CNTNAP2: variants seen among roughly 807,000 people sequenced by gnomAD.
CNTNAP2 encodes the protein contactin associated protein 2.
In CNTNAP2, 98 loss-of-function variants were observed where a neutral mutation model predicts 155.2. The observed-to-expected ratio is 0.63, with a 90% confidence interval of 0.54 to 0.75. The LOEUF is 0.75. CNTNAP2 is among the 30% of genes least tolerant of loss of function. The probability of loss-of-function intolerance (pLI) is 0.00; values close to 1 mark genes in which losing one functional copy is unlikely to be tolerated. For missense variants in CNTNAP2, 1,727 were observed against 1,688.1 expected (o/e 1.02, Z -0.40); for synonymous variants, 651 against 631.2 (o/e 1.03, Z -0.47).
At chr7:146,950,323 A>G (rs1259312747) in intron 3 of CNTNAP2, among the ~76,000 whole-genome samples, 1 of 151,992 alleles carries the variant, frequency 6.6e-6, no homozygotes, top group Non-Finnish European at 1.5e-5. Context: ...TTTTTATAAT[A>G]CTTTAAGTTC....
Position 147,517,724 on chromosome 7 carries a change from A to C in CNTNAP2, c.1777+31683A>C, listed in dbSNP as rs1799152378. Among the ~76,000 whole-genome samples the C allele has an allele frequency of 2.6e-5, 4 of 152,350 alleles. No homozygotes were observed. In the South Asian group the frequency reaches 8.3e-4, roughly 32 times the overall value. On this transcript the variant is annotated intron_variant, in intron 11 of 23. Transcript: ENST00000361727. Reference sequence around the variant, plus strand: ...TGGCATTGGTTGTTGTTTTTGTTCAAATGTTTAATCCATGTCCCAGAAACT... The same window carrying C: ...TGGCATTGGTTGTTGTTTTTGTTCACATGTTTAATCCATGTCCCAGAAACT...
At position 147,504,288 on chromosome 7, in the gene CNTNAP2, G is replaced by A. The variant is rs1798867952; in HGVS notation, c.1777+18247G>A. ...TTCAGGGTACCTCTGAGAAAAGAGG[G>A]GGCCCTCACTGACCTAGAGGCATGT... On this transcript the variant is annotated intron_variant, in intron 11 of 23. Transcript: ENST00000361727. Among the ~76,000 whole-genome samples the A allele has an allele frequency of 3.3e-5, 5 of 152,108 alleles. No homozygotes were observed. In the South Asian group the frequency reaches 1.0e-3, roughly 32 times the overall value.
At chr7:148,052,769 C>G (rs1272461718) in intron 15 of CNTNAP2, among the ~76,000 whole-genome samples, 2 of 152,148 alleles carry the variant, frequency 1.3e-5, no homozygotes, top group Non-Finnish European at 2.9e-5. Context: ...TCTCCTAGGC[C>G]AGGCACAGTG....
At chr7:146,975,290 C>T (rs561506779) in intron 3 of CNTNAP2, among the ~76,000 whole-genome samples, 288 of 152,152 alleles carry the variant, frequency 1.9e-3, no homozygotes, top group Non-Finnish European at 2.0e-3. Flanking sequence ...CATGGCAAAA[C>T]CCCGTCTCTA....
chr7:146,161,095 C>CA (rs1562972085), intron 1 of CNTNAP2, among the ~76,000 whole-genome samples: 4 of 152,114 alleles, frequency 2.6e-5, no homozygotes, highest in East Asian at 1.9e-4. Context: ...GAACTAAAGA[C>CA]AAAAAACACG....
chr7:146,541,815 C>T (rs1488368853), intron 1 of CNTNAP2, among the ~76,000 whole-genome samples: 1 of 151,910 alleles, frequency 6.6e-6, no homozygotes, highest in African/African-American at 2.4e-5. Flanking sequence ...TTGCAAGTAA[C>T]CTTTTCACCA....
At chr7:146,204,881 A>G (rs533299979) in intron 1 of CNTNAP2, among the ~76,000 whole-genome samples, 5 of 151,998 alleles carry the variant, frequency 3.3e-5, no homozygotes, top group Non-Finnish European at 4.4e-5. Flanking sequence ...CATATTTTCA[A>G]ATTGAAGCCA....
At chr7:148,266,888 G>A (rs994893359) in intron 20 of CNTNAP2, 145 bp from the exon 21 acceptor site, 24 of 761,502 alleles carry the variant, frequency 3.2e-5, no homozygotes, top group African/African-American at 8.6e-5. Context: ...CCATTTTCTC[G>A]GGGTGGTGTT....
At chr7:147,352,653 T>A (rs1360964070) in intron 9 of CNTNAP2, among the ~76,000 whole-genome samples, 1 of 152,016 alleles carries the variant, frequency 6.6e-6, no homozygotes, top group Non-Finnish European at 1.5e-5. Flanking sequence ...ACACTTTCTC[T>A]TTCTTAAAAA....
intron 18 of CNTNAP2, among the ~76,000 whole-genome samples, chr7:148,193,862 C>A (rs1795235386): frequency 6.6e-6 from 1 of 151,844 alleles, no homozygotes; most frequent in South Asian, 2.1e-4. Context: ...CTGTTCATTC[C>A]CAGCACTGGC....
intron 8 of CNTNAP2, among the ~76,000 whole-genome samples, chr7:147,226,579 G>T (rs542664779): frequency 6.6e-6 from 1 of 151,994 alleles, no homozygotes; most frequent in South Asian, 2.1e-4. Context: ...TCTCACCCAT[G>T]TGCATTTTGA....
chr7:146,278,845 T>C (rs1347378290), intron 1 of CNTNAP2, among the ~76,000 whole-genome samples: 1 of 152,160 alleles, frequency 6.6e-6, no homozygotes, highest in Non-Finnish European at 1.5e-5. Flanking sequence ...AAAATAGTCA[T>C]TGACATAAGA....
rs116279169 is a variant in CNTNAP2 at position 146,997,630 on chromosome 7, A to G, written c.403-46277A>G. On this transcript the variant is annotated intron_variant, in intron 3 of 23. Transcript: ENST00000361727. ...TTTTTAGAAAAATCTGAGAATTGAT[A>G]TTAGTTCTTTAAATGTCTGGTAGAA... 3.6e-3 allele frequency among the ~76,000 whole-genome samples: 555 copies of G among 152,172 alleles called. 3 individuals carry two copies. Among genetic ancestry groups the G allele is most frequent in the African/African-American group, 0.013 (524 of 41,542 alleles).
At chr7:147,332,465 A>G (rs1339921716) in intron 9 of CNTNAP2, among the ~76,000 whole-genome samples, 1 of 152,164 alleles carries the variant, frequency 6.6e-6, no homozygotes, top group African/African-American at 2.4e-5. Context: ...AAAATGCCTG[A>G]TTAACACCTG....
intron 8 of CNTNAP2, among the ~76,000 whole-genome samples, chr7:147,245,377 G>T (rs1226213311): frequency 6.6e-5 from 10 of 152,038 alleles, no homozygotes; most frequent in Admixed American, 6.6e-4. Flanking sequence ...TCTCTCTGTG[G>T]GGTAGCAAAT....
intron 1 of CNTNAP2, among the ~76,000 whole-genome samples, chr7:146,492,875 A>G (rs1392976276): frequency 6.6e-6 from 1 of 152,216 alleles, no homozygotes; most frequent in East Asian, 1.9e-4. Flanking sequence ...TGAATGCAAT[A>G]AAATATTATT....
At chr7:146,950,641 G>A (rs142251160) in intron 3 of CNTNAP2, among the ~76,000 whole-genome samples, 175 of 152,226 alleles carry the variant, frequency 1.1e-3, no homozygotes, top group African/African-American at 3.3e-3. Context: ...TTCTATGGCT[G>A]CATAATATTC....
intron 14 of CNTNAP2, among the ~76,000 whole-genome samples, chr7:147,926,368 T>C (rs149208867): frequency 0.011 from 1,733 of 152,318 alleles, 13 homozygotes; most frequent in Non-Finnish European, 0.019. Flanking sequence ...AATAGAAGTA[T>C]GATGAAAATG....
At chr7:146,296,788 C>T (rs1017972786) in intron 1 of CNTNAP2, among the ~76,000 whole-genome samples, 32 of 151,648 alleles carry the variant, frequency 2.1e-4, no homozygotes, top group African/African-American at 3.9e-4. Context: ...TCTAAAATAC[C>T]GAGATCCAGA....
Sources: gnomAD v4.1 joint callset for allele counts (sites outside exome capture counted in the v4.1 genomes callset) on GRCh38, gnomAD v4.1.1 for gene constraint, MANE v1.5 for transcripts, NCBI Gene and HGNC (gene_info 2026-07-23, HGNC 2026-07-21) for gene names.